FOCAD: variants seen among roughly 807,000 people sequenced by gnomAD.
FOCAD encodes the protein focadhesin, also known as KIAA1797.
FOCAD carries 198 observed loss-of-function variants against 225.6 expected under a neutral mutation model. That is an observed-to-expected ratio of 0.88 (90% CI 0.78 to 0.99). The LOEUF is 0.99. Ranked by LOEUF, FOCAD falls within the 50% of genes least tolerant of loss-of-function variation. The pLI is 0.00. For synonymous variants in FOCAD, 897 were observed against 755.0 expected, an observed-to-expected ratio of 1.19 and a Z score of -3.08; for missense variants, 2,713 against 2,123.6, an observed-to-expected ratio of 1.28 and a Z score of -5.46.
chr9:20,884,482 A>C (rs1478404698), intron 20 of FOCAD, among the ~76,000 whole-genome samples: 1 of 151,862 alleles, frequency 6.6e-6, no homozygotes, highest in Non-Finnish European at 1.5e-5. Context: ...TTTTTAGTAG[A>C]GATGGGGTTT....
chr9:20,895,581 ATATAT>A (rs1439523383), intron 21 of FOCAD, among the ~76,000 whole-genome samples: 5 of 151,770 alleles, frequency 3.3e-5, no homozygotes, highest in Admixed American at 6.6e-5. Context: ...ATATATATAG[ATATAT>A]TTATTTATGT....
At chr9:20,687,818 A>G (rs1230590064) in intron 1 of FOCAD, among the ~76,000 whole-genome samples, 1 of 152,240 alleles carries the variant, frequency 6.6e-6, no homozygotes, top group African/African-American at 2.4e-5. Context: ...CCAAAATACA[A>G]TGGGATAAAC....
chr9:20,744,852 T>C (rs1457062021), intron 5 of FOCAD, among the ~76,000 whole-genome samples: 1 of 152,156 alleles, frequency 6.6e-6, no homozygotes. Flanking sequence ...CTTTTCAAAA[T>C]GTAGGGTAGG....
intron 27 of FOCAD, among the ~76,000 whole-genome samples, 193 bp downstream of exon 27, chr9:20,929,789 T>A (rs1835297072): frequency 6.6e-6 from 1 of 152,198 alleles, no homozygotes; most frequent in African/African-American, 2.4e-5. Flanking sequence ...CGTGTAGGTA[T>A]TAATGTATTT....
At chr9:20,794,958 G>A (rs778989204) in intron 11 of FOCAD, among the ~76,000 whole-genome samples, 3 of 151,970 alleles carry the variant, frequency 2.0e-5, no homozygotes, top group Non-Finnish European at 4.4e-5. Context: ...AATTGAAAAC[G>A]AATCTAAGCA....
chr9:20,987,127 G>A (rs1587793767), intron 40 of FOCAD, among the ~76,000 whole-genome samples: 1 of 152,300 alleles, frequency 6.6e-6, no homozygotes, highest in Non-Finnish European at 1.5e-5. Context: ...TGGGAAGCTT[G>A]TGCGACTCTG....
chr9:20,746,498 TC>T (rs1437023340), intron 5 of FOCAD, among the ~76,000 whole-genome samples: 2 of 152,186 alleles, frequency 1.3e-5, no homozygotes, highest in Non-Finnish European at 2.9e-5. Flanking sequence ...ATTTTAAAGT[TC>T]GAGAAAAGTT....
chr9:20,778,822 C>T, intron 9 of FOCAD, 54 bp downstream of exon 9: 1 of 1,016,736 alleles, frequency 9.8e-7, no homozygotes, highest in South Asian at 1.4e-5. Context: ...TGAGTATTGA[C>T]AGGATTCACT....
At chr9:20,804,458 G>A (rs1822192609) in intron 11 of FOCAD, among the ~76,000 whole-genome samples, 1 of 151,972 alleles carries the variant, frequency 6.6e-6, no homozygotes, top group Admixed American at 6.6e-5. Flanking sequence ...GAAAGTCCTG[G>A]AATCATTTTT....
chr9:20,944,219 T>A (rs1255343627), intron 28 of FOCAD, among the ~76,000 whole-genome samples: 1 of 152,216 alleles, frequency 6.6e-6, no homozygotes, highest in Non-Finnish European at 1.5e-5. Flanking sequence ...TGAATTTTAG[T>A]CTTTTCTCTC....
intron 35 of FOCAD, among the ~76,000 whole-genome samples, chr9:20,974,713 C>G (rs1439879618): frequency 7.4e-6 from 1 of 134,322 alleles, no homozygotes; most frequent in East Asian, 2.2e-4. Context: ...CTCCTTTTTC[C>G]TATGTTTCTC....
At chr9:20,871,318 G>T (rs564423928) in intron 18 of FOCAD, among the ~76,000 whole-genome samples, 2 of 152,014 alleles carry the variant, frequency 1.3e-5, no homozygotes, top group Non-Finnish European at 2.9e-5. Context: ...GTTTTAGTAG[G>T]TTGGCACAAA....
intron 1 of FOCAD, among the ~76,000 whole-genome samples, chr9:20,698,669 C>T (rs980573492): frequency 1.6e-4 from 24 of 151,998 alleles, no homozygotes; most frequent in Admixed American, 1.1e-3. Flanking sequence ...CCACTGCGCC[C>T]GGCTTATGTT....
rs566432077 is a variant in FOCAD at position 20,712,533 on chromosome 9, G to A, written c.-32-2789G>A. Reference sequence around the variant, plus strand: ...AATTAGCTGAGCCCAGTGGTGGTGGGTGCCTGTAATCCCAGCTACTCGGGA... The same window carrying A: ...AATTAGCTGAGCCCAGTGGTGGTGGATGCCTGTAATCCCAGCTACTCGGGA... On this transcript the variant is annotated intron_variant, in intron 1 of 43. Coordinates refer to ENST00000338382, the MANE Select transcript of FOCAD (RefSeq NM_001375567.1). 2.6e-5 allele frequency among the ~76,000 whole-genome samples: 4 copies of A among 151,630 alleles called. No homozygotes were observed. The East Asian group carries it at 5.9e-4, about 23-fold the overall frequency.
intron 11 of FOCAD, among the ~76,000 whole-genome samples, chr9:20,810,880 A>G (rs1181381230): frequency 2.0e-5 from 3 of 152,004 alleles, no homozygotes; most frequent in African/African-American, 7.2e-5. Flanking sequence ...GTGTCTTTCC[A>G]TACTTGAACC....
At chr9:20,671,936 GC>G (rs1822075890) in intron 2 of FOCAD, among the ~76,000 whole-genome samples, 1 of 151,772 alleles carries the variant, frequency 6.6e-6, no homozygotes, top group Non-Finnish European at 1.5e-5. Flanking sequence ...TTTGAATTTG[GC>G]CGTAATAGGA....
Position 20,912,931 on chromosome 9 carries a change from C to A in FOCAD, c.2784C>A (p.Tyr928Ter), listed in dbSNP as rs1366747071. The change falls in exon 23 of 44, where the codon TAC becomes TAA. Residue 928 changes from tyrosine (Y) to a stop codon, truncating the protein, a stop_gained. Transcript: ENST00000338382. LOFTEE classifies it high-confidence loss of function. ...AAGAAGAACCTGAGGAGGTGCAGTA[C>A]AAAAAAAGCACAGCCTGGCTCTGGT... ...HGKEEPEEVQ[Y>*]KKSTAWLWVR... 1 of 1,612,652 alleles carries A rather than the reference C, an allele frequency of 6.2e-7. No individual in the cohort carries two copies. Among genetic ancestry groups the A allele is most frequent in the African/African-American group, 1.3e-5 (1 of 74,872 alleles).
chr9:20,728,974 C>T (rs555437802), intron 4 of FOCAD, among the ~76,000 whole-genome samples: 24 of 152,300 alleles, frequency 1.6e-4, no homozygotes, highest in Non-Finnish European at 2.8e-4. Flanking sequence ...GTTCACAGGG[C>T]ACCACCTGCC....
At chr9:20,714,266 G>A (rs1825119362) in intron 1 of FOCAD, among the ~76,000 whole-genome samples, 1 of 152,114 alleles carries the variant, frequency 6.6e-6, no homozygotes, top group African/African-American at 2.4e-5. Context: ...AAAAGTTTCA[G>A]ATTTTGTAAC....
Sources: gnomAD v4.1 joint callset for allele counts (sites outside exome capture counted in the v4.1 genomes callset) on GRCh38, gnomAD v4.1.1 for gene constraint, MANE v1.5 for transcripts, NCBI Gene and HGNC (gene_info 2026-07-23, HGNC 2026-07-21) for gene names.